The following CHD1L variants were observed in gnomAD, a reference collection of about 807,000 sequenced individuals.
CHD1L encodes the protein chromodomain helicase DNA binding protein 1 like, also known as ATP-dependent chromatin remodeler CHD1L.
CHD1L carries 118 observed loss-of-function variants against 115.9 expected under a neutral mutation model. The observed-to-expected ratio is 1.02, with a 90% confidence interval of 0.88 to 1.19. CHD1L has a LOEUF of 1.19. CHD1L is among the 50% of genes most tolerant of loss of function. The probability of loss-of-function intolerance (pLI) is 0.00; values close to 1 mark genes in which losing one functional copy is unlikely to be tolerated. For synonymous variants in CHD1L, 411 were observed against 387.1 expected, an observed-to-expected ratio of 1.06 and a Z score of -0.72; for missense variants, 1,179 against 1,065.3, an observed-to-expected ratio of 1.11 and a Z score of -1.49.
intron 14 of CHD1L, among the ~76,000 whole-genome samples, chr1:147,278,055 G>A (rs1192648640): frequency 6.6e-6 from 1 of 152,052 alleles, no homozygotes; most frequent in Non-Finnish European, 1.5e-5. Context: ...TGGACTTCTT[G>A]CCCAGCTCAT....
chr1:147,213,176 G>A, the CHD1L span: 2 of 761,750 alleles, frequency 2.6e-6, no homozygotes, highest in Non-Finnish European at 3.8e-6. Flanking sequence ...CATCCTTCTG[G>A]GGAACAAGAA....
At chr1:147,241,312 G>C (rs1205565597), upstream of CHD1L, among the ~76,000 whole-genome samples, 1 of 152,038 alleles carries the variant, frequency 6.6e-6, no homozygotes, top group Admixed American at 6.5e-5. Context: ...GCCCGTCTTT[G>C]CCTTAAGTAA....
At chr1:147,218,893 G>A in the CHD1L span, among the ~76,000 whole-genome samples, 6 of 152,114 alleles carry the variant, frequency 3.9e-5, no homozygotes, top group Non-Finnish European at 5.9e-5. Context: ...AATTTCTCCA[G>A]AGAATTAGAT....
At chr1:147,192,095 C>T in the CHD1L span, among the ~76,000 whole-genome samples, 21 of 152,240 alleles carry the variant, frequency 1.4e-4, 1 homozygote, top group Admixed American at 1.3e-3. Context: ...TATAAATTAC[C>T]TTGGGCAGTA....
At chr1:147,217,750 C>G in the CHD1L span, among the ~76,000 whole-genome samples, 1 of 152,192 alleles carries the variant, frequency 6.6e-6, no homozygotes, top group Non-Finnish European at 1.5e-5. Flanking sequence ...TGTGGCTGGA[C>G]TAAATCTCTG....
the CHD1L span, among the ~76,000 whole-genome samples, chr1:147,187,474 A>G: frequency 6.6e-6 from 1 of 152,196 alleles, no homozygotes; most frequent in Admixed American, 6.5e-5. Context: ...AGACTGCCAA[A>G]TAGAAATGTG....
At chr1:147,252,248 CAT>C (rs1344464847) in intron 1 of CHD1L, among the ~76,000 whole-genome samples, 3 of 152,180 alleles carry the variant, frequency 2.0e-5, no homozygotes, top group African/African-American at 7.2e-5. Flanking sequence ...CAAGCAGACA[CAT>C]GTACAATCCA....
the CHD1L span, chr1:147,208,374 A>G: frequency 6.5e-6 from 1 of 152,840 alleles, no homozygotes. Context: ...GATCTTGGAC[A>G]TCTGTGGGTA....
At chr1:147,221,144 A>G in the CHD1L span, among the ~76,000 whole-genome samples, 1 of 152,230 alleles carries the variant, frequency 6.6e-6, no homozygotes, top group Admixed American at 6.5e-5. Context: ...AAAAACAAGG[A>G]AAGTCTAAGA....
chr1:147,244,486 C>CT (rs1181393925), intron 1 of CHD1L, among the ~76,000 whole-genome samples: 151,768 of 151,844 alleles, frequency 1, 75,846 homozygotes, highest in Middle Eastern at 1. Flanking sequence ...ATTCTTACTA[C>CT]TTTTTTTTCG....
At chr1:147,249,613 C>T (rs1026961292) in intron 1 of CHD1L, among the ~76,000 whole-genome samples, 1 of 151,934 alleles carries the variant, frequency 6.6e-6, no homozygotes, top group Non-Finnish European at 1.5e-5. Flanking sequence ...ACCATGTTGG[C>T]CAGGATGGTC....
the CHD1L span, chr1:147,187,217 G>A: frequency 4.3e-6 from 7 of 1,612,844 alleles, no homozygotes; most frequent in Admixed American, 6.7e-5. Flanking sequence ...TAGTCTCCCT[G>A]AATGGTATGG....
chr1:147,227,829 T>G, the CHD1L span, among the ~76,000 whole-genome samples: 1 of 152,190 alleles, frequency 6.6e-6, no homozygotes, highest in Non-Finnish European at 1.5e-5. Flanking sequence ...CAGTCTCACC[T>G]CTACTCAGAT....
the CHD1L span, among the ~76,000 whole-genome samples, chr1:147,206,614 A>G: frequency 1.3e-5 from 2 of 152,138 alleles, no homozygotes; most frequent in Non-Finnish European, 2.9e-5. Context: ...TCCTTTGTAG[A>G]GACATGGATG....
chr1:147,227,799 G>A, the CHD1L span, among the ~76,000 whole-genome samples: 1 of 152,242 alleles, frequency 6.6e-6, no homozygotes, highest in Non-Finnish European at 1.5e-5. Context: ...GTCCAACCCA[G>A]AAAGAGCTTT....
chr1:147,226,192 G>C, the CHD1L span, among the ~76,000 whole-genome samples: 10 of 151,396 alleles, frequency 6.6e-5, no homozygotes, highest in African/African-American at 2.2e-4. Flanking sequence ...AGCAGTAGTA[G>C]CAGTGGTCTC....
At chr1:147,231,105 T>C in the CHD1L span, among the ~76,000 whole-genome samples, 1 of 152,184 alleles carries the variant, frequency 6.6e-6, no homozygotes, top group African/African-American at 2.4e-5. Flanking sequence ...CGTTAGGGTG[T>C]CAATTTTAGA....
At chr1:147,242,353 T>A (rs1467219005), upstream of CHD1L, among the ~76,000 whole-genome samples, 1 of 152,126 alleles carries the variant, frequency 6.6e-6, no homozygotes, top group Admixed American at 6.5e-5. Context: ...CAGCGGAGTG[T>A]CTGACACATG....
In CHD1L at chr1:147,276,114, G is replaced by A; in HGVS notation, c.1396G>A (p.Val466Ile). The A allele has an allele frequency of 1.2e-6, 2 of 1,614,132 alleles. No individual in the cohort carries two copies. The highest frequency in any genetic ancestry group is 1.1e-5 in the South Asian group (1 of 91,080). ...TTGACTTATGTCCAGGTCTGTTAAA[G>A]TTATTCGGCTGATTGGTCGAGACAC... ...HRIGQNKSVK[V>I]IRLIGRDTVE... The change falls in exon 14 of 23, where the codon GTT (valine) becomes ATT (isoleucine). Residue 466 changes from valine (V) to isoleucine (I), a missense_variant. Transcript: ENST00000369258.
Sources: allele counts gnomAD v4.1 joint callset (sites outside exome capture counted in the v4.1 genomes callset), GRCh38; gene constraint gnomAD v4.1.1; transcripts MANE v1.5; gene names NCBI Gene and HGNC (gene_info 2026-07-23, HGNC 2026-07-21).